Variants in SCN11A observed in about 807,000 individuals in gnomAD.
SCN11A encodes sodium channel protein type 11 subunit alpha.
A neutral mutation model predicts 162.2 loss-of-function variants in SCN11A; 122 were observed. The ratio of observed to expected loss-of-function variants is 0.75; its 90% CI spans 0.65 to 0.87. The LOEUF (loss-of-function observed/expected upper bound fraction) is 0.87. SCN11A is among the 40% of genes least tolerant of loss of function. The pLI is 0.00. For synonymous variants in SCN11A, 758 were observed against 751.5 expected (o/e 1.01, Z -0.14); for missense variants, 2,015 against 2,181.6 (o/e 0.92, Z 1.52).
At chr3:38,998,993 C>T (rs2030730782) in intron 2 of SCN11A, among the ~76,000 whole-genome samples, 1 of 151,924 alleles carries the variant, frequency 6.6e-6, no homozygotes, top group Non-Finnish European at 1.5e-5. Flanking sequence ...ACCAGCATGG[C>T]ACATGTATAC....
At chr3:38,896,668 T>C (rs1419983397) in intron 18 of SCN11A, among the ~76,000 whole-genome samples, 177 bp downstream of exon 18, 1 of 151,346 alleles carries the variant, frequency 6.6e-6, no homozygotes, top group African/African-American at 2.4e-5. Context: ...GTCAAAGAGG[T>C]TTTTTCATGC....
At position 38,927,280 on chromosome 3, in the gene SCN11A, G is replaced by A. The variant is rs189840218; in HGVS notation, c.489-349C>T. Among the ~76,000 whole-genome samples the A allele has an allele frequency of 1.5e-3, 221 of 152,226 alleles. 1 individual carries two copies. Among genetic ancestry groups the A allele is most frequent in the Non-Finnish European group, 9.9e-4 (67 of 68,006 alleles). Reference sequence around the variant, plus strand: ...ACTCTGATGTACAGAAGGAGACAATGGTGACAGAACAATGAAGAGAGTAAA... The same window carrying A: ...ACTCTGATGTACAGAAGGAGACAATAGTGACAGAACAATGAAGAGAGTAAA... On this transcript the variant is annotated intron_variant, in intron 7 of 29. Coordinates refer to ENST00000302328, the MANE Select transcript of SCN11A (RefSeq NM_001349253.2).
intron 2 of SCN11A, among the ~76,000 whole-genome samples, chr3:39,028,249 T>C (rs563305493): frequency 1.3e-5 from 2 of 152,174 alleles, no homozygotes; most frequent in Non-Finnish European, 2.9e-5. Context: ...AAGATCTACC[T>C]CATTATATTT....
Position 38,921,267 on chromosome 3 carries a change from GA to G in SCN11A, c.713-13del. The stretch of plus-strand genomic sequence containing the variant: ...GATGACCTTCAGACCTGAGAAAGAG[GA>G]CAGGCTTGGGGAGAAGCCCATCCCC... On this transcript the variant is annotated splice_polypyrimidine_tract_variant and intron_variant, in intron 9 of 29. Transcript: ENST00000302328. The G allele has an allele frequency of 6.2e-7, 1 of 1,612,592 alleles. No individual in the cohort carries two copies. The highest frequency in any genetic ancestry group is 2.2e-5 in the East Asian group (1 of 44,860).
chr3:38,902,020 T>C (rs1431553071), intron 16 of SCN11A, among the ~76,000 whole-genome samples: 2 of 152,158 alleles, frequency 1.3e-5, no homozygotes, highest in Admixed American at 1.3e-4. Flanking sequence ...TGGGGGTTTT[T>C]CTCATTTTCT....
chr3:39,011,407 G>A (rs2031130414), intron 2 of SCN11A, among the ~76,000 whole-genome samples: 2 of 152,208 alleles, frequency 1.3e-5, no homozygotes. Flanking sequence ...TGGCCTGCAG[G>A]CGTGTCCTTC....
chr3:38,859,204 C>T (rs1258648221), intron 28 of SCN11A, among the ~76,000 whole-genome samples: 1 of 150,434 alleles, frequency 6.6e-6, no homozygotes, highest in South Asian at 2.1e-4. Context: ...TAAACTGAAA[C>T]AAAAAAAATA....
intron 2 of SCN11A, among the ~76,000 whole-genome samples, chr3:39,013,053 A>G (rs1164649773): frequency 2.6e-5 from 4 of 152,206 alleles, no homozygotes; most frequent in Non-Finnish European, 4.4e-5. Context: ...TAAATGCTTG[A>G]TGAGCTGCTA....
At chr3:38,895,305 G>A (rs1405516115) in intron 18 of SCN11A, among the ~76,000 whole-genome samples, 2 of 152,176 alleles carry the variant, frequency 1.3e-5, no homozygotes, top group African/African-American at 4.8e-5. Flanking sequence ...CAGCTGGATA[G>A]TGAGCTTTGA....
intron 7 of SCN11A, among the ~76,000 whole-genome samples, chr3:38,939,886 A>G (rs2066414136): frequency 6.7e-6 from 1 of 150,196 alleles, no homozygotes; most frequent in Non-Finnish European, 1.5e-5. Context: ...CTGAGCGACA[A>G]GAGTGAAACC....
chr3:38,983,225 C>G (rs1409268269), intron 2 of SCN11A, among the ~76,000 whole-genome samples: 1 of 152,172 alleles, frequency 6.6e-6, no homozygotes, highest in Non-Finnish European at 1.5e-5. Context: ...CATGATTCCT[C>G]TTCACCCCTG....
At chr3:38,851,093 A>G (rs2064771959) in intron 28 of SCN11A, among the ~76,000 whole-genome samples, 1 of 152,208 alleles carries the variant, frequency 6.6e-6, no homozygotes, top group Non-Finnish European at 1.5e-5. Context: ...TGGATTTAAT[A>G]ATAAAAAGAT....
chr3:38,878,798 G>A (rs1303528362), intron 23 of SCN11A, among the ~76,000 whole-genome samples: 1 of 152,104 alleles, frequency 6.6e-6, no homozygotes, highest in Admixed American at 6.6e-5. Flanking sequence ...TGAACACATG[G>A]TCTATTTGTG....
intron 22 of SCN11A, among the ~76,000 whole-genome samples, chr3:38,882,152 G>A (rs2065319818): frequency 6.6e-6 from 1 of 152,160 alleles, no homozygotes; most frequent in Admixed American, 6.5e-5. Flanking sequence ...TCTATTTGAA[G>A]AATAATTTAC....
In SCN11A at chr3:38,857,698, G is replaced by A. The variant is rs549467323; in HGVS notation, c.4056+5497C>T. ...TATCACCTAGGCACATAGTCATCAA[G>A]TTATCTAAAGTCAAGATGAAGGAAA... On this transcript the variant is annotated intron_variant, in intron 28 of 29. Coordinates refer to ENST00000302328, the MANE Select transcript of SCN11A (RefSeq NM_001349253.2). Among the ~76,000 whole-genome samples the A allele has an allele frequency of 2.6e-5, 4 of 152,214 alleles. No individual in the cohort carries two copies. In the South Asian group the frequency reaches 6.2e-4, roughly 24 times the overall value.
At chr3:38,941,470 C>G (rs1453531301) in intron 7 of SCN11A, among the ~76,000 whole-genome samples, 1 of 152,142 alleles carries the variant, frequency 6.6e-6, no homozygotes, top group Non-Finnish European at 1.5e-5. Context: ...AAAAAAATGT[C>G]TTTAAAAGGC....
At chr3:39,000,326 AG>A (rs2030771940) in intron 2 of SCN11A, among the ~76,000 whole-genome samples, 1 of 152,122 alleles carries the variant, frequency 6.6e-6, no homozygotes, top group African/African-American at 2.4e-5. Flanking sequence ...GACTGGGTAG[AG>A]CTTGGTTTTA....
intron 5 of SCN11A, among the ~76,000 whole-genome samples, chr3:38,948,269 AGTG>A (rs2066548221): frequency 6.6e-6 from 1 of 152,242 alleles, no homozygotes; most frequent in East Asian, 1.9e-4. Context: ...CACATTAATA[AGTG>A]GTACAATATG....
At chr3:39,043,542 G>A (rs1235509219) in intron 1 of SCN11A, among the ~76,000 whole-genome samples, 1 of 149,660 alleles carries the variant, frequency 6.7e-6, no homozygotes, top group East Asian at 1.9e-4. Flanking sequence ...TGGAACTGGA[G>A]GTCATTATAT....
Sources: gnomAD v4.1 joint callset for allele counts (sites outside exome capture counted in the v4.1 genomes callset) on GRCh38, gnomAD v4.1.1 for gene constraint, MANE v1.5 for transcripts, NCBI Gene and HGNC (gene_info 2026-07-23, HGNC 2026-07-21) for gene names.